ZNF432: variants seen among roughly 807,000 people sequenced by gnomAD.
ZNF432 encodes the protein zinc finger protein 432.
In ZNF432, 10 loss-of-function variants were observed where a neutral mutation model predicts 13.9. The observed-to-expected ratio is 0.72, with a 90% confidence interval of 0.44 to 1.22. ZNF432 has a LOEUF of 1.22. Ranked by LOEUF, ZNF432 falls within the 50% of genes most tolerant of loss-of-function variation. The probability of loss-of-function intolerance (pLI) is 0.00; values close to 1 mark genes in which losing one functional copy is unlikely to be tolerated. For missense variants in ZNF432, 793 were observed against 796.2 expected, an observed-to-expected ratio of 1.00 and a Z score of 0.05; for synonymous variants, 247 against 256.2, an observed-to-expected ratio of 0.96 and a Z score of 0.34.
chr19:52,040,629 G>T lies in ZNF432; in HGVS notation c.143-46C>A, dbSNP rs765673585. 6 of 1,508,256 alleles carry T rather than the reference G, an allele frequency of 4.0e-6. No homozygotes were observed. The Admixed American group carries it at 8.4e-5, about 21-fold the overall frequency. 93.4% of individuals were successfully genotyped at this position (1,508,256 alleles called of 1,614,324 possible). A position where few individuals can be genotyped will look rare whatever the true frequency, so the allele number is the denominator to read the frequency against. The stretch of plus-strand genomic sequence containing the variant: ...AAGACAGACACACTGGATTGGGCTG[G>T]GGTATGTAATGTGAGAGAATGTTAC... On this transcript the variant is annotated intron_variant, in intron 3 of 4. Transcript: ENST00000221315.
Position 52,033,839 on chromosome 19 carries a change from CAATT to C in ZNF432, c.1836_1839del (p.Ile613PhefsTer64). ...TCTCCTGTATGAGTTCGTTGATGAA[CAATT>C]AGACGGCTCTTCATAGTGAAGCCTT... On this transcript the variant is annotated frameshift_variant, in exon 5 of 5. Transcript: ENST00000221315. LOFTEE classifies it low-confidence loss of function (END_TRUNC). 2 of 1,613,830 alleles carry C rather than the reference CAATT, an allele frequency of 1.2e-6. No individual in the cohort carries two copies. Among genetic ancestry groups the C allele is most frequent in the Non-Finnish European group, 1.7e-6 (2 of 1,179,914 alleles).
At chr19:52,037,677 C>G (rs185706729) in intron 4 of ZNF432, among the ~76,000 whole-genome samples, 1 of 151,560 alleles carries the variant, frequency 6.6e-6, no homozygotes, top group African/African-American at 2.4e-5. Flanking sequence ...GTAGTTTCAG[C>G]TACTTGGGAT....
chr19:52,035,470 T>G (rs753829726), intron 4 of ZNF432, 30 bp from the exon 5 acceptor site: 1 of 1,487,576 alleles, frequency 6.7e-7, no homozygotes, highest in Non-Finnish European at 8.9e-7. Context: ...TGAATCCTTT[T>G]ATAATCTTGT....
At position 52,033,897 on chromosome 19, in the gene ZNF432, T is replaced by C; in HGVS notation, c.1782A>G (p.Glu594=). The C allele has an allele frequency of 6.2e-7, 1 of 1,613,942 alleles. No homozygotes were observed. Among genetic ancestry groups the C allele is most frequent in the South Asian group, 1.1e-5 (1 of 91,024 alleles). The change falls in exon 5 of 5, where the codon GAA becomes GAG. Residue 594 remains glutamate, a synonymous_variant. Transcript: ENST00000221315. ...CACATTCATTACATCCATAAGGTTTTTCTCCAGTATGAACTTGCTTATGTA... is the reference window on the plus strand; with the variant it reads ...CACATTCATTACATCCATAAGGTTTCTCTCCAGTATGAACTTGCTTATGTA... The part of the protein sequence containing the change: ...LALHKQVHTG[E]KPYGCNECGK...
rs1393801449 is a variant in ZNF432, at chr19:52,033,554, T to C, written c.*166A>G. ...AAAGAATTCAGAGCCTGAATTCATGTTGAAGCCTTTCTGACATTGATAGCA... is the reference window on the plus strand; with the variant it reads ...AAAGAATTCAGAGCCTGAATTCATGCTGAAGCCTTTCTGACATTGATAGCA... On this transcript the variant is annotated 3_prime_UTR_variant, in exon 5 of 5. Transcript: ENST00000221315. 2 of 742,428 alleles carry C rather than the reference T, an allele frequency of 2.7e-6. No individual in the cohort carries two copies. Among genetic ancestry groups the C allele is most frequent in the East Asian group, 2.7e-5 (1 of 37,154 alleles). The allele number at this position is 742,428 out of a possible 1,614,324, so 46.0% of individuals were successfully genotyped here. A position where few individuals can be genotyped will look rare whatever the true frequency, so the allele number is the denominator to read the frequency against.
At position 52,033,985 on chromosome 19, in the gene ZNF432, T is replaced by G; in HGVS notation, c.1694A>C (p.Glu565Ala). The change falls in exon 5 of 5, where the codon GAA becomes GCA. Residue 565 changes from glutamate (E) to alanine (A), a missense_variant. Transcript: ENST00000221315. ...YLIVHQQIHT[E>A]EKSCICSECG... Reference sequence around the variant, plus strand: ...TTCACTACATATACAAGATTTCTCTTCTGTATGAATTTGCTGATGTACAAT... The same window carrying G: ...TTCACTACATATACAAGATTTCTCTGCTGTATGAATTTGCTGATGTACAAT... 6.2e-7 allele frequency: 1 copy of G among 1,614,146 alleles called. No individual in the cohort carries two copies. Among genetic ancestry groups the G allele is most frequent in the South Asian group, 1.1e-5 (1 of 91,080 alleles).
At chr19:52,037,319 C>A (rs1384290603) in intron 4 of ZNF432, among the ~76,000 whole-genome samples, 1 of 152,174 alleles carries the variant, frequency 6.6e-6, no homozygotes, top group African/African-American at 2.4e-5. Flanking sequence ...ATAGTCAACA[C>A]TCCACCCTTT....
Position 52,046,913 on chromosome 19 carries a change from T to A in ZNF432, c.-45A>T, listed in dbSNP as rs774736328. ...TGGCCAGCACCTGGGATACTCTGTC[T>A]TTGTCTCCTCTGGATCTGCCTTAAA... On this transcript the variant is annotated 5_prime_UTR_variant, in exon 2 of 5. It adds an upstream start codon to the 5' untranslated region. Transcript: ENST00000221315. 15 of 1,609,042 alleles carry A rather than the reference T, an allele frequency of 9.3e-6. No homozygotes were observed. Among genetic ancestry groups the A allele is most frequent in the Non-Finnish European group, 1.3e-5 (15 of 1,177,384 alleles).
In ZNF432 at chr19:52,034,856, G is replaced by A. The variant is rs936032932; in HGVS notation, c.823C>T (p.Arg275Cys). The change falls in exon 5 of 5, where the codon CGT (arginine) becomes TGT (cysteine). Residue 275 changes from arginine to cysteine, a missense_variant. Arg to Cys is a radical substitution (Grantham distance 180). Coordinates refer to ENST00000221315, the MANE Select transcript of ZNF432 (RefSeq NM_014650.4). ...ECGKVFTMKS[R>C]LIEHQRTHTG... ...TGAGTTCGCTGATGTTCAATCAGAC[G>A]GCTCTTCATAGTGAAGACTTTTCCA... 18 of 1,613,556 alleles carry A rather than the reference G, an allele frequency of 1.1e-5. No individual in the cohort carries two copies. Among genetic ancestry groups the A allele is most frequent in the Middle Eastern group, 1.6e-4 (1 of 6,080 alleles).
At chr19:52,044,479 A>C (rs1236052681) in intron 2 of ZNF432, among the ~76,000 whole-genome samples, 1 of 152,174 alleles carries the variant, frequency 6.6e-6, no homozygotes, top group Non-Finnish European at 1.5e-5. Flanking sequence ...GCTAAAAAAA[A>C]CTTTGCAATA....
At chr19:52,036,699 G>T (rs1344425739) in intron 4 of ZNF432, among the ~76,000 whole-genome samples, 1 of 151,632 alleles carries the variant, frequency 6.6e-6, no homozygotes, top group Non-Finnish European at 1.5e-5. Flanking sequence ...TTGAGACAGG[G>T]TCTCACTGTC....
At chr19:52,045,006 GA>G (rs1414458062) in intron 2 of ZNF432, among the ~76,000 whole-genome samples, 11 of 152,018 alleles carry the variant, frequency 7.2e-5, no homozygotes, top group Admixed American at 2.6e-4. Flanking sequence ...ACGATAGCTG[GA>G]AAAAAATGCA....
chr19:52,034,380 T>G lies in ZNF432; in HGVS notation c.1299A>C (p.Glu433Asp). The G allele has an allele frequency of 1.2e-6, 2 of 1,614,016 alleles. No individual in the cohort carries two copies. Among genetic ancestry groups the G allele is most frequent in the Non-Finnish European group, 1.7e-6 (2 of 1,180,002 alleles). ...HTVEKSYLCS[E>D]CGKGFTVKSM... ...TTTTCACAGTAAAACCTTTTCCACATTCACTACATAGATATGACTTCTCTA... is the reference window on the plus strand; with the variant it reads ...TTTTCACAGTAAAACCTTTTCCACAGTCACTACATAGATATGACTTCTCTA... The change falls in exon 5 of 5, where the codon GAA becomes GAC. Residue 433 changes from glutamate (E) to aspartate (D), a missense_variant. Physicochemically the swap from Glu to Asp is conservative, Grantham distance 45. Coordinates refer to ENST00000221315, the MANE Select transcript of ZNF432 (RefSeq NM_014650.4).
intron 1 of ZNF432, among the ~76,000 whole-genome samples, chr19:52,047,590 T>C (rs963426906): frequency 2.7e-5 from 4 of 150,814 alleles, no homozygotes; most frequent in Non-Finnish European, 5.9e-5. Flanking sequence ...GGCAGGAGAA[T>C]GGCTTGAACG....
chr19:52,041,542 G>A lies in ZNF432; in HGVS notation c.80C>T (p.Pro27Leu). 1 of 1,612,786 alleles carries A rather than the reference G, an allele frequency of 6.2e-7. No individual in the cohort carries two copies. The highest frequency in any genetic ancestry group is 8.5e-7 in the Non-Finnish European group (1 of 1,179,510). The change falls in exon 3 of 5, where the codon CCT becomes CTT. Residue 27 changes from proline (P) to leucine (L), a missense_variant. Physicochemically the swap from Pro to Leu is moderately conservative, Grantham distance 98. Transcript: ENST00000221315. ...ATCCCGGTACAAATCCTTCTGAAAA[G>A]GGCCCAGGAGCTGCCACTCCTCCCA... ...FTWEEWQLLGPFQKDLYRDVM... is the reference protein window; with the variant it reads ...FTWEEWQLLGLFQKDLYRDVM...
intron 3 of ZNF432, 54 bp downstream of exon 3, chr19:52,041,426 A>G: frequency 1.3e-6 from 2 of 1,520,236 alleles, no homozygotes; most frequent in Non-Finnish European, 8.8e-7. Context: ...CAACTGAGAA[A>G]GCAAAGGCCA....
chr19:52,039,105 T>C (rs2087110447), intron 4 of ZNF432, among the ~76,000 whole-genome samples: 1 of 152,244 alleles, frequency 6.6e-6, no homozygotes, highest in African/African-American at 2.4e-5. Context: ...CAATACTCTG[T>C]ACTGTCACAC....
chr19:52,038,315 G>T (rs917289374), intron 4 of ZNF432, among the ~76,000 whole-genome samples: 1 of 152,054 alleles, frequency 6.6e-6, no homozygotes, highest in Non-Finnish European at 1.5e-5. Context: ...TTGAGATGGA[G>T]TTGTGCTCTT....
In ZNF432 at chr19:52,034,828, G is replaced by C. The variant is rs760131024; in HGVS notation, c.851C>G (p.Thr284Ser). 1 of 1,613,546 alleles carries C rather than the reference G, an allele frequency of 6.2e-7. No homozygotes were observed. The highest frequency in any genetic ancestry group is 8.5e-7 in the Non-Finnish European group (1 of 1,179,732). ...SRLIEHQRTH[T>S]GEKPYICNEC... ...ATTGCATATGTAGGGTTTCTCTCCA[G>C]TATGAGTTCGCTGATGTTCAATCAG... is the stretch of plus-strand genomic sequence containing the variant. The change falls in exon 5 of 5, where the codon ACT (threonine) becomes AGT (serine). Residue 284 changes from threonine (T) to serine (S), a missense_variant. Thr to Ser is a moderately conservative substitution (Grantham distance 58, BLOSUM62 1). Coordinates refer to ENST00000221315, the MANE Select transcript of ZNF432 (RefSeq NM_014650.4).
Sources: allele counts gnomAD v4.1 joint callset (sites outside exome capture counted in the v4.1 genomes callset), GRCh38; gene constraint gnomAD v4.1.1; transcripts MANE v1.5; gene names NCBI Gene and HGNC (gene_info 2026-07-23, HGNC 2026-07-21).